The following SMURF2 variants were observed in gnomAD, a reference collection of about 807,000 sequenced individuals.
SMURF2 encodes E3 ubiquitin-protein ligase SMURF2.
A neutral mutation model predicts 109.6 loss-of-function variants in SMURF2; 48 were observed. The observed-to-expected ratio is 0.44, with a 90% CI of 0.35 to 0.56. The LOEUF (loss-of-function observed/expected upper bound fraction) is 0.56, where lower values mean the gene tolerates loss of function less well. SMURF2 is among the 20% of genes least tolerant of loss of function. The pLI is 0.01. For synonymous variants in SMURF2, 288 were observed against 317.1 expected (o/e 0.91, Z 0.97); for missense variants, 575 against 909.0 (o/e 0.63, Z 4.72).
intron 1 of SMURF2, among the ~76,000 whole-genome samples, chr17:64,643,974 C>T (rs7211178): frequency 0.053 from 8,072 of 151,854 alleles, 366 homozygotes; most frequent in African/African-American, 0.12. Context: ...TATAGGTGCG[C>T]GCCACCAAGC....
intron 1 of SMURF2, among the ~76,000 whole-genome samples, chr17:64,658,551 C>T (rs1970734325): frequency 6.6e-6 from 1 of 152,088 alleles, no homozygotes; most frequent in Non-Finnish European, 1.5e-5. Flanking sequence ...TTGCCAAGGG[C>T]TTTGAAATTA....
chr17:64,638,601 A>G (rs1970453318), intron 1 of SMURF2, among the ~76,000 whole-genome samples: 1 of 152,342 alleles, frequency 6.6e-6, no homozygotes, highest in South Asian at 2.1e-4. Flanking sequence ...ACCTGGGAAA[A>G]TTCTTAACAA....
At chr17:64,650,265 G>A (rs1970618666) in intron 1 of SMURF2, among the ~76,000 whole-genome samples, 1 of 141,758 alleles carries the variant, frequency 7.1e-6, no homozygotes, top group African/African-American at 2.7e-5. Flanking sequence ...TCGAACTCCT[G>A]AGCTCAAGCA....
At position 64,561,590 on chromosome 17, in the gene SMURF2, T is replaced by C; in HGVS notation, c.1226A>G (p.Gln409Arg). Reference sequence around the variant, plus strand: ...ATCTTTTGGTCTCATTTTCATGACCTGTCGATATGATTCCTGAAAAAAATA... The same window carrying C: ...ATCTTTTGGTCTCATTTTCATGACCCGTCGATATGATTCCTGAAAAAAATA... ...REEIFEESYR[Q>R]VMKMRPKDLW... Residue 409 changes from glutamine to arginine, a missense_variant, in exon 12 of 19, where the codon CAG becomes CGG. Coordinates refer to ENST00000262435, the MANE Select transcript of SMURF2 (RefSeq NM_022739.4). 6.2e-7 allele frequency: 1 copy of C among 1,612,062 alleles called. No homozygotes were observed. Among genetic ancestry groups the C allele is most frequent in the Non-Finnish European group, 8.5e-7 (1 of 1,179,508 alleles).
rs1970752163 is a variant in SMURF2 at position 64,659,868 on chromosome 17, T to C, written c.52+1961A>G. Among the ~76,000 whole-genome samples the C allele has an allele frequency of 3.3e-5, 5 of 152,340 alleles. No individual in the cohort carries two copies. The South Asian group carries it at 1.0e-3, about 32-fold the overall frequency. On this transcript the variant is annotated intron_variant, in intron 1 of 18. Transcript: ENST00000262435. ...AAAGAAGGAAGGACAATGTTTTTAA[T>C]ATTTGTCAAATTTTAAGAGAAAACT...
In SMURF2 at chr17:64,661,944, A is replaced by AGTCACCACAGCGGCCGG. The variant is rs1376234146; in HGVS notation, c.-81_-65dup. On this transcript the variant is annotated 5_prime_UTR_variant, in exon 1 of 19. Transcript: ENST00000262435. The stretch of plus-strand genomic sequence containing the variant: ...CGGGGGCGACGGCGAGGCGCGGCGG[A>AGTCACCACAGCGGCCGG]GTCACCACAGCGGCCGGGGCTGGGG... 7.0e-6 allele frequency: 8 copies of AGTCACCACAGCGGCCGG among 1,138,946 alleles called. No homozygotes were observed. The highest frequency in any genetic ancestry group is 3.7e-4 in the Middle Eastern group (1 of 2,694). The allele number at this position is 1,138,946 out of a possible 1,614,324, so 70.6% of individuals were successfully genotyped here. A position where few individuals can be genotyped will look rare whatever the true frequency, so the allele number is the denominator to read the frequency against.
At chr17:64,588,956 G>A (rs1200086669) in intron 5 of SMURF2, among the ~76,000 whole-genome samples, 1 of 152,026 alleles carries the variant, frequency 6.6e-6, no homozygotes, top group Non-Finnish European at 1.5e-5. Flanking sequence ...GTCTTCTAGT[G>A]TCCTTTTCTC....
At chr17:64,617,993 G>A (rs1425178211) in intron 1 of SMURF2, among the ~76,000 whole-genome samples, 1 of 152,106 alleles carries the variant, frequency 6.6e-6, no homozygotes, top group Non-Finnish European at 1.5e-5. Flanking sequence ...AATAAATGCA[G>A]ATTTTAAAGA....
chr17:64,552,688 C>T (rs1337232271), intron 15 of SMURF2, among the ~76,000 whole-genome samples: 1 of 152,018 alleles, frequency 6.6e-6, no homozygotes, highest in African/African-American at 2.4e-5. Context: ...AGGAAATTCT[C>T]ATTTGTTCTT....
At chr17:64,615,074 G>A (rs1230454859) in intron 1 of SMURF2, among the ~76,000 whole-genome samples, 1 of 152,208 alleles carries the variant, frequency 6.6e-6, no homozygotes, top group African/African-American at 2.4e-5. Flanking sequence ...TAGTATCAGA[G>A]TAAATCGCAG....
intron 2 of SMURF2, among the ~76,000 whole-genome samples, chr17:64,605,845 C>T (rs1007021257): frequency 8.2e-5 from 12 of 145,988 alleles, no homozygotes; most frequent in Non-Finnish European, 1.6e-4. Flanking sequence ...ACACATAGCC[C>T]GTGACTTGAA....
intron 1 of SMURF2, among the ~76,000 whole-genome samples, chr17:64,622,130 A>G (rs1437264194): frequency 1.3e-5 from 2 of 151,108 alleles, no homozygotes; most frequent in African/African-American, 2.4e-5. Flanking sequence ...TATAATTTAT[A>G]AGAAAATACT....
chr17:64,662,213 C>T lies in SMURF2; in HGVS notation c.-333G>A. The T allele has an allele frequency of 1.9e-6, 2 of 1,036,210 alleles. No individual in the cohort carries two copies. The highest frequency in any genetic ancestry group is 2.3e-6 in the Non-Finnish European group (2 of 863,636). The allele number at this position is 1,036,210 out of a possible 1,614,324, so 64.2% of individuals were successfully genotyped here. On this transcript the variant is annotated 5_prime_UTR_variant, in exon 1 of 19. Coordinates refer to ENST00000262435, the MANE Select transcript of SMURF2 (RefSeq NM_022739.4). ...CTCTCGTCTCGGCGAGGCCCAGTAG[C>T]CGACGGGGCTGGTCGGCTGAAGCGG...
chr17:64,640,917 C>CAAAAAAAAA (rs1189014538), intron 1 of SMURF2, among the ~76,000 whole-genome samples: 2 of 86,070 alleles, frequency 2.3e-5, no homozygotes, highest in Non-Finnish European at 2.4e-5. Flanking sequence ...GACTCCATCT[C>CAAAAAAAAA]AAAAAAAAAA....
chr17:64,622,386 T>TTATTCAGATTTCCTTACTTTTTAC (rs1354333944), intron 1 of SMURF2, among the ~76,000 whole-genome samples: 3 of 152,184 alleles, frequency 2.0e-5, no homozygotes, highest in South Asian at 4.1e-4. Flanking sequence ...AATTGGTGTT[T>TTATTCAGATTTCCTTACTTTTTAC]TATTCAGATT....
intron 17 of SMURF2, among the ~76,000 whole-genome samples, chr17:64,546,871 G>T (rs1968961777): frequency 6.6e-6 from 1 of 152,212 alleles, no homozygotes; most frequent in South Asian, 2.1e-4. Flanking sequence ...ACAGAGAAGG[G>T]CAGCACAGCT....
intron 10 of SMURF2, among the ~76,000 whole-genome samples, chr17:64,567,454 T>C (rs1445858251): frequency 6.6e-6 from 1 of 152,204 alleles, no homozygotes; most frequent in African/African-American, 2.4e-5. Context: ...CTTCAGAACA[T>C]TATTTTTCAT....
intron 12 of SMURF2, among the ~76,000 whole-genome samples, chr17:64,560,521 A>G (rs529711530): frequency 6.6e-6 from 1 of 152,310 alleles, no homozygotes; most frequent in Non-Finnish European, 1.5e-5. Flanking sequence ...TTGAAAACAT[A>G]ATTTTGGTTG....
intron 3 of SMURF2, among the ~76,000 whole-genome samples, chr17:64,596,477 TAAG>T (rs1363073904): frequency 6.8e-6 from 1 of 146,506 alleles, no homozygotes. Context: ...TATCAAAAGA[TAAG>T]AAGTCAAAGT....
Sources: allele counts gnomAD v4.1 joint callset (sites outside exome capture counted in the v4.1 genomes callset), GRCh38; gene constraint gnomAD v4.1.1; transcripts MANE v1.5; gene names NCBI Gene and HGNC (gene_info 2026-07-23, HGNC 2026-07-21).